Variants in PLCB1 observed in about 807,000 individuals in gnomAD.
PLCB1 encodes phospholipase C beta 1, also known as 1-phosphatidylinositol 4,5-bisphosphate phosphodiesterase beta-1.
Under a neutral mutation model 161.8 loss-of-function variants are expected in PLCB1, and 46 were observed. That is an observed-to-expected ratio of 0.28 (90% CI 0.22 to 0.36). The LOEUF (loss-of-function observed/expected upper bound fraction) is 0.36, where lower values mean the gene tolerates loss of function less well. Ranked by LOEUF, PLCB1 falls within the 10% of genes least tolerant of loss-of-function variation. PLCB1 has a pLI of 1.00. For synonymous variants in PLCB1, 517 were observed against 503.7 expected (o/e 1.03, Z -0.35); for missense variants, 1,016 against 1,472.5 (o/e 0.69, Z 5.07).
intron 2 of PLCB1, among the ~76,000 whole-genome samples, chr20:8,263,297 A>T (rs546162938): frequency 3.0e-4 from 45 of 152,212 alleles, no homozygotes; most frequent in Admixed American, 6.5e-4. Flanking sequence ...ACTAGAAGAA[A>T]AATCAAAATG....
chr20:8,777,314 A>G (rs1322506300), intron 27 of PLCB1, among the ~76,000 whole-genome samples: 1 of 152,156 alleles, frequency 6.6e-6, no homozygotes, highest in Non-Finnish European at 1.5e-5. Flanking sequence ...GTGGTCTCCT[A>G]GGAAGAAGCC....
intron 2 of PLCB1, among the ~76,000 whole-genome samples, chr20:8,285,539 G>A (rs979331144): frequency 1.8e-4 from 28 of 152,024 alleles, no homozygotes; most frequent in Admixed American, 2.6e-4. Context: ...GGTTCATGTG[G>A]CTGGTTCATT....
chr20:8,173,310 G>A (rs1198716024), intron 2 of PLCB1, among the ~76,000 whole-genome samples: 2 of 152,102 alleles, frequency 1.3e-5, no homozygotes, highest in Non-Finnish European at 2.9e-5. Flanking sequence ...ATAGACCCAA[G>A]ATGCTATTCT....
chr20:8,376,790 T>C (rs1987100165), intron 3 of PLCB1, among the ~76,000 whole-genome samples: 1 of 151,866 alleles, frequency 6.6e-6, no homozygotes, highest in African/African-American at 2.4e-5. Flanking sequence ...TAGCTGGGCA[T>C]GGTGGCAGGC....
chr20:8,650,297 A>C (rs7264711), intron 7 of PLCB1, among the ~76,000 whole-genome samples: 33,337 of 152,020 alleles, frequency 0.22, 4,100 homozygotes, highest in Non-Finnish European at 0.28. Flanking sequence ...GCAGCTTTCC[A>C]TAAGATATGT....
intron 3 of PLCB1, among the ~76,000 whole-genome samples, chr20:8,591,033 C>T (rs752636113): frequency 6.6e-6 from 1 of 151,972 alleles, no homozygotes; most frequent in Non-Finnish European, 1.5e-5. Flanking sequence ...TCCATGTGTT[C>T]TCATTGTTCA....
chr20:8,610,052 A>C (rs77578426), intron 3 of PLCB1, among the ~76,000 whole-genome samples: 8,927 of 152,062 alleles, frequency 0.059, 555 homozygotes, highest in African/African-American at 0.16. Context: ...ATTAATAAGC[A>C]TTCTTCCCTC....
At chr20:8,143,528 T>C (rs1434371715) in intron 1 of PLCB1, among the ~76,000 whole-genome samples, 1 of 152,154 alleles carries the variant, frequency 6.6e-6, no homozygotes, top group Admixed American at 6.5e-5. Context: ...GCTAAGCAAA[T>C]AGAGGTACAA....
At chr20:8,460,923 G>A (rs1329107350) in intron 3 of PLCB1, among the ~76,000 whole-genome samples, 2 of 152,158 alleles carry the variant, frequency 1.3e-5, no homozygotes, top group African/African-American at 2.4e-5. Flanking sequence ...CTCCAAAGCA[G>A]TGCTGTCTAA....
At chr20:8,627,398 C>T (rs1243261634) in intron 3 of PLCB1, among the ~76,000 whole-genome samples, 2 of 151,974 alleles carry the variant, frequency 1.3e-5, no homozygotes, top group African/African-American at 4.8e-5. Flanking sequence ...GTCAGAATAG[C>T]CAGTCTAAGT....
intron 2 of PLCB1, among the ~76,000 whole-genome samples, chr20:8,178,048 T>C (rs540759994): frequency 6.6e-6 from 1 of 152,316 alleles, no homozygotes; most frequent in South Asian, 2.1e-4. Context: ...TATGGCTGCA[T>C]AGTATTTTGT....
chr20:8,350,329 C>G (rs1986142807), intron 2 of PLCB1, among the ~76,000 whole-genome samples: 1 of 152,118 alleles, frequency 6.6e-6, no homozygotes, highest in Non-Finnish European at 1.5e-5. Flanking sequence ...ACTCATAAGA[C>G]AGAACATGTG....
chr20:8,823,085 T>A (rs186520820), intron 31 of PLCB1, among the ~76,000 whole-genome samples: 4 of 152,326 alleles, frequency 2.6e-5, no homozygotes, highest in Admixed American at 2.6e-4. Context: ...AGTGTATAAG[T>A]GGATGTGCAA....
chr20:8,229,785 C>T (rs1979905239), intron 2 of PLCB1, among the ~76,000 whole-genome samples: 1 of 150,810 alleles, frequency 6.6e-6, no homozygotes, highest in African/African-American at 2.4e-5. Context: ...CTTTGGGAGG[C>T]CAAGGCGGGG....
intron 2 of PLCB1, among the ~76,000 whole-genome samples, chr20:8,345,942 T>C (rs534732066): frequency 6.6e-6 from 1 of 152,332 alleles, no homozygotes; most frequent in East Asian, 1.9e-4. Context: ...AGAGAGAAGA[T>C]GCCACAGTTT....
At chr20:8,724,422 T>C (rs1291734294) in intron 15 of PLCB1, among the ~76,000 whole-genome samples, 1 of 152,098 alleles carries the variant, frequency 6.6e-6, no homozygotes, top group African/African-American at 2.4e-5. Flanking sequence ...GGAGTGATTA[T>C]GTTGGGGCCA....
intron 3 of PLCB1, among the ~76,000 whole-genome samples, chr20:8,531,120 A>T (rs1984796649): frequency 6.6e-6 from 1 of 152,102 alleles, no homozygotes; most frequent in African/African-American, 2.4e-5. Flanking sequence ...GAATAGGGTC[A>T]TGGTCTTTTT....
intron 2 of PLCB1, among the ~76,000 whole-genome samples, chr20:8,309,705 T>G (rs182327110): frequency 6.7e-4 from 102 of 152,310 alleles, no homozygotes; most frequent in African/African-American, 2.3e-3. Context: ...CGGGCTTTGA[T>G]TCATAGCTCA....
chr20:8,662,092 A>T (rs1337103853), intron 9 of PLCB1, among the ~76,000 whole-genome samples: 1 of 14,604 alleles, frequency 6.8e-5, no homozygotes, highest in South Asian at 2.5e-3. Context: ...TATATAATAA[A>T]TAATTATATA....
Sources: allele counts gnomAD v4.1 joint callset (sites outside exome capture counted in the v4.1 genomes callset), GRCh38; gene constraint gnomAD v4.1.1; transcripts MANE v1.5; gene names NCBI Gene and HGNC (gene_info 2026-07-23, HGNC 2026-07-21).